MARCHF3: variants seen among roughly 807,000 people sequenced by gnomAD.
The protein encoded by MARCHF3 is membrane associated ring-CH-type finger 3.
MARCHF3 carries 13 observed loss-of-function variants against 24.2 expected under a neutral mutation model. That is an observed-to-expected ratio of 0.54 (90% CI 0.35 to 0.85). MARCHF3 has a LOEUF of 0.85. MARCHF3 is among the 40% of genes least tolerant of loss of function. The pLI is 0.01. For missense variants in MARCHF3, 276 were observed against 325.0 expected, an observed-to-expected ratio of 0.85 and a Z score of 1.16; for synonymous variants, 144 against 137.3, an observed-to-expected ratio of 1.05 and a Z score of -0.34.
At chr5:126,989,935 C>T (rs1243641006) in intron 1 of MARCHF3, among the ~76,000 whole-genome samples, 1 of 151,970 alleles carries the variant, frequency 6.6e-6, no homozygotes, top group African/African-American at 2.4e-5. Flanking sequence ...ACCAGCCTGG[C>T]CAATATGGCA....
chr5:126,899,292 T>C, intron 3 of MARCHF3: 2 of 985,334 alleles, frequency 2.0e-6, no homozygotes, highest in South Asian at 4.7e-5. Flanking sequence ...AGGCAAAGAA[T>C]TGAGGGAGAG....
At chr5:126,973,930 G>A (rs961668505) in intron 1 of MARCHF3, among the ~76,000 whole-genome samples, 41 of 125,354 alleles carry the variant, frequency 3.3e-4, no homozygotes, top group Admixed American at 2.6e-3. Context: ...TCGCTCTGTC[G>A]CCCAGGCCGG....
chr5:126,991,225 A>T (rs1005695356), intron 1 of MARCHF3, among the ~76,000 whole-genome samples: 2 of 152,212 alleles, frequency 1.3e-5, no homozygotes, highest in African/African-American at 4.8e-5. Context: ...GCCATAACAA[A>T]AGATGAGTTC....
intron 1 of MARCHF3, among the ~76,000 whole-genome samples, chr5:126,959,731 A>T (rs1750576466): frequency 6.6e-6 from 1 of 152,166 alleles, no homozygotes; most frequent in South Asian, 2.1e-4. Flanking sequence ...AAAAGAGTTT[A>T]TTTAGAAAAT....
At chr5:126,958,751 G>A (rs1323496697) in intron 1 of MARCHF3, among the ~76,000 whole-genome samples, 1 of 152,080 alleles carries the variant, frequency 6.6e-6, no homozygotes, top group East Asian at 1.9e-4. Context: ...GAGGAGACAA[G>A]TTGACAACGG....
intron 1 of MARCHF3, among the ~76,000 whole-genome samples, chr5:127,029,581 C>A (rs1019241498): frequency 5.3e-5 from 8 of 152,138 alleles, no homozygotes; most frequent in African/African-American, 1.7e-4. Flanking sequence ...CTGTCAATTC[C>A]TGACTCAACT....
At chr5:126,951,995 C>T (rs61429960) in intron 1 of MARCHF3, among the ~76,000 whole-genome samples, 3,092 of 152,166 alleles carry the variant, frequency 0.02, 74 homozygotes, top group South Asian at 0.11. Flanking sequence ...TACAGGCGCC[C>T]ACCACCACGC....
At chr5:126,967,766 T>C (rs1183802103) in intron 1 of MARCHF3, among the ~76,000 whole-genome samples, 1 of 152,188 alleles carries the variant, frequency 6.6e-6, no homozygotes, top group Non-Finnish European at 1.5e-5. Context: ...ATTGGCAAAC[T>C]GTAACCCCAT....
chr5:126,988,195 A>T (rs78617899), intron 1 of MARCHF3, among the ~76,000 whole-genome samples: 3,405 of 152,246 alleles, frequency 0.022, 113 homozygotes, highest in African/African-American at 0.078. Context: ...ACTAAAATCC[A>T]GCCCATTCTC....
chr5:126,881,877 T>TGA (rs1236886980), intron 3 of MARCHF3, among the ~76,000 whole-genome samples: 1 of 150,630 alleles, frequency 6.6e-6, no homozygotes, highest in African/African-American at 2.4e-5. Flanking sequence ...ACACACAGAG[T>TGA]GAGAGAGAGG....
chr5:126,954,070 G>T (rs1191606964), intron 1 of MARCHF3, among the ~76,000 whole-genome samples: 1 of 151,126 alleles, frequency 6.6e-6, no homozygotes, highest in Non-Finnish European at 1.5e-5. Flanking sequence ...TTTTTGAGAC[G>T]GAGTCTCACC....
chr5:126,895,048 A>C (rs1469664264), intron 3 of MARCHF3, among the ~76,000 whole-genome samples: 2 of 151,588 alleles, frequency 1.3e-5, no homozygotes, highest in African/African-American at 4.9e-5. Flanking sequence ...TTCTCGCTTC[A>C]TTTCATTCAT....
chr5:126,915,181 C>T (rs766087976), intron 2 of MARCHF3, 47 bp from the exon 3 acceptor site: 1 of 1,587,438 alleles, frequency 6.3e-7, no homozygotes, highest in Admixed American at 1.7e-5. Context: ...CTGGAAACCT[C>T]CACCAAGTGG....
chr5:126,897,624 A>G (rs1753965312), intron 3 of MARCHF3, among the ~76,000 whole-genome samples: 1 of 152,120 alleles, frequency 6.6e-6, no homozygotes, highest in African/African-American at 2.4e-5. Context: ...ATATCCATAA[A>G]AGAAGAAAGT....
chr5:126,919,714 C>T (rs1249696768), intron 1 of MARCHF3, among the ~76,000 whole-genome samples: 2 of 152,188 alleles, frequency 1.3e-5, no homozygotes, highest in African/African-American at 4.8e-5. Flanking sequence ...CTTGACTGTC[C>T]AAAACAATCA....
intron 1 of MARCHF3, among the ~76,000 whole-genome samples, chr5:127,009,706 C>T (rs1417043380): frequency 2.0e-5 from 3 of 152,138 alleles, no homozygotes; most frequent in Non-Finnish European, 4.4e-5. Context: ...AACACTCTGC[C>T]CCCACAAAAT....
intron 1 of MARCHF3, among the ~76,000 whole-genome samples, chr5:126,920,515 CATT>C: frequency 6.6e-6 from 1 of 152,296 alleles, no homozygotes; most frequent in East Asian, 1.9e-4. Flanking sequence ...CGCATGGAAT[CATT>C]ATGTCTAGAT....
intron 1 of MARCHF3, among the ~76,000 whole-genome samples, chr5:126,926,313 C>T (rs574519653): frequency 3.3e-5 from 5 of 152,286 alleles, no homozygotes; most frequent in East Asian, 1.9e-4. Flanking sequence ...CTAAACTCTG[C>T]ATTCCATCAG....
chr5:126,890,465 C>G (rs113072161), intron 3 of MARCHF3, among the ~76,000 whole-genome samples: 10,668 of 131,894 alleles, frequency 0.081, 993 homozygotes, highest in African/African-American at 0.24. Context: ...AGTCCCCAGA[C>G]TGTGATATTC....
Sources: allele counts gnomAD v4.1 joint callset (sites outside exome capture counted in the v4.1 genomes callset), GRCh38; gene constraint gnomAD v4.1.1; transcripts MANE v1.5; gene names NCBI Gene and HGNC (gene_info 2026-07-23, HGNC 2026-07-21).